The following ERP44 variants were observed in gnomAD, a reference collection of about 807,000 sequenced individuals.
ERP44 encodes endoplasmic reticulum protein 44, also known as endoplasmic reticulum resident protein 44.
A neutral mutation model predicts 53.4 loss-of-function variants in ERP44; 25 were observed. The ratio of observed to expected loss-of-function variants is 0.47; its 90% CI spans 0.34 to 0.65. ERP44 has a LOEUF of 0.65. Among genes scored for constraint, ERP44 ranks in the 30% least tolerant of loss-of-function variants. The pLI is 0.01. For missense variants in ERP44, 338 were observed against 493.2 expected (o/e 0.69, Z 2.98); for synonymous variants, 145 against 161.2 (o/e 0.90, Z 0.76).
At chr9:100,080,635 G>C (rs1826412145) in intron 1 of ERP44, among the ~76,000 whole-genome samples, 1 of 152,018 alleles carries the variant, frequency 6.6e-6, no homozygotes, top group African/African-American at 2.4e-5. Context: ...TTTACAGACA[G>C]GGCCAAAAAA....
intron 4 of ERP44, among the ~76,000 whole-genome samples, chr9:100,025,891 T>G (rs183777455): frequency 6.6e-6 from 1 of 152,222 alleles, no homozygotes; most frequent in African/African-American, 2.4e-5. Context: ...GATTTCCATT[T>G]TCAAGCAGGG....
intron 1 of ERP44, among the ~76,000 whole-genome samples, chr9:100,067,018 T>G (rs1826217477): frequency 6.6e-6 from 1 of 152,156 alleles, no homozygotes; most frequent in Non-Finnish European, 1.5e-5. Flanking sequence ...AGTACAACCT[T>G]CCTATAGCAT....
intron 1 of ERP44, among the ~76,000 whole-genome samples, chr9:100,092,275 T>C (rs542263892): frequency 7.7e-4 from 118 of 152,348 alleles, no homozygotes; most frequent in African/African-American, 2.7e-3. Context: ...GACAAAAGCA[T>C]GCTAAGCATG....
intron 1 of ERP44, among the ~76,000 whole-genome samples, chr9:100,077,277 A>G (rs1386599979): frequency 6.6e-6 from 1 of 152,208 alleles, no homozygotes; most frequent in African/African-American, 2.4e-5. Context: ...TTACAACTAA[A>G]GAAGTGTGGC....
At chr9:100,039,617 AG>A (rs1228403699) in intron 4 of ERP44, among the ~76,000 whole-genome samples, 1 of 152,120 alleles carries the variant, frequency 6.6e-6, no homozygotes, top group African/African-American at 2.4e-5. Context: ...TTAAAGAATT[AG>A]AAAAGCAAGA....
intron 4 of ERP44, among the ~76,000 whole-genome samples, chr9:100,028,877 T>C (rs1477239549): frequency 6.6e-6 from 1 of 152,170 alleles, no homozygotes; most frequent in Non-Finnish European, 1.5e-5. Context: ...CAGACTCTAG[T>C]TTCAGAATAA....
At chr9:100,018,723 G>C (rs2118650433) in intron 6 of ERP44, among the ~76,000 whole-genome samples, 1 of 152,214 alleles carries the variant, frequency 6.6e-6, no homozygotes, top group East Asian at 1.9e-4. Flanking sequence ...ACCTAGTACA[G>C]TATCTGGCAC....
intron 10 of ERP44, among the ~76,000 whole-genome samples, chr9:99,989,445 G>A (rs1228849269): frequency 6.6e-6 from 1 of 152,240 alleles, no homozygotes; most frequent in Non-Finnish European, 1.5e-5. Context: ...ACTTGCAGGT[G>A]AGGGACCTGA....
chr9:100,048,147 G>A (rs10988952), intron 4 of ERP44, among the ~76,000 whole-genome samples: 28,453 of 151,798 alleles, frequency 0.19, 4,231 homozygotes, highest in African/African-American at 0.41. Context: ...GAGGCTGAGT[G>A]GGAGGATCCC....
At chr9:100,062,744 T>A (rs1456928543) in intron 1 of ERP44, among the ~76,000 whole-genome samples, 1 of 152,116 alleles carries the variant, frequency 6.6e-6, no homozygotes. Flanking sequence ...TATCAAAATA[T>A]GTAGAGAGAA....
chr9:100,066,069 A>C (rs1264679561), intron 1 of ERP44, among the ~76,000 whole-genome samples: 1 of 152,230 alleles, frequency 6.6e-6, no homozygotes, highest in Non-Finnish European at 1.5e-5. Context: ...CTGAATGAGA[A>C]GCTCCACTTC....
intron 1 of ERP44, among the ~76,000 whole-genome samples, chr9:100,078,218 G>A (rs1390074244): frequency 6.6e-6 from 1 of 152,176 alleles, no homozygotes; most frequent in Non-Finnish European, 1.5e-5. Context: ...AGTACTTTGG[G>A]AGGCTGAGGA....
chr9:100,085,995 T>TA (rs759929268), intron 1 of ERP44, among the ~76,000 whole-genome samples: 7 of 152,240 alleles, frequency 4.6e-5, no homozygotes, highest in Non-Finnish European at 8.8e-5. Flanking sequence ...ACTCTTTCCT[T>TA]ACTAAATTCA....
chr9:100,054,469 C>A (rs41346545), intron 3 of ERP44, among the ~76,000 whole-genome samples: 70,674 of 151,982 alleles, frequency 0.47, 17,736 homozygotes, highest in East Asian at 0.9. Flanking sequence ...TCTAGATTGT[C>A]CAGTTTGCCA....
chr9:100,034,565 TA>T (rs577000073), intron 4 of ERP44, among the ~76,000 whole-genome samples: 2 of 149,150 alleles, frequency 1.3e-5, no homozygotes, highest in South Asian at 2.1e-4. Flanking sequence ...TTCACTTAAT[TA>T]AAAAAAACAA....
chr9:100,066,001 C>G (rs1433779969), intron 1 of ERP44, among the ~76,000 whole-genome samples: 1 of 152,160 alleles, frequency 6.6e-6, no homozygotes, highest in Admixed American at 6.5e-5. Context: ...AACTGCCACG[C>G]TGGTATCACC....
At chr9:100,002,010 G>C (rs1830382889) in intron 10 of ERP44, among the ~76,000 whole-genome samples, 1 of 151,574 alleles carries the variant, frequency 6.6e-6, no homozygotes, top group African/African-American at 2.4e-5. Flanking sequence ...TGGTTACCAT[G>C]AGATTTACGT....
intron 1 of ERP44, among the ~76,000 whole-genome samples, chr9:100,064,621 C>T (rs536304311): frequency 3.9e-5 from 6 of 152,246 alleles, no homozygotes; most frequent in South Asian, 2.1e-4. Context: ...TTCTTTGGTA[C>T]GATTTCCAGG....
At chr9:99,989,234 G>C (rs1269374660) in intron 10 of ERP44, among the ~76,000 whole-genome samples, 1 of 152,224 alleles carries the variant, frequency 6.6e-6, no homozygotes, top group Non-Finnish European at 1.5e-5. Flanking sequence ...GCCTCCTCAA[G>C]TGGGTCCCTG....
Sources: allele counts gnomAD v4.1 joint callset (sites outside exome capture counted in the v4.1 genomes callset), GRCh38; gene constraint gnomAD v4.1.1; transcripts MANE v1.5; gene names NCBI Gene and HGNC (gene_info 2026-07-23, HGNC 2026-07-21).